The following VPS35L variants were observed in gnomAD, a reference collection of about 807,000 sequenced individuals.
VPS35L encodes VPS35 endosomal protein-sorting factor-like.
A neutral mutation model predicts 133.0 loss-of-function variants in VPS35L; 83 were observed. That is an observed-to-expected ratio of 0.62 (90% confidence interval 0.52 to 0.75). The LOEUF is 0.75. VPS35L is among the 30% of genes least tolerant of loss of function. The probability of loss-of-function intolerance (pLI) is 0.00; values close to 1 mark genes in which losing one functional copy is unlikely to be tolerated. For synonymous variants in VPS35L, 423 were observed against 449.9 expected, an observed-to-expected ratio of 0.94 and a Z score of 0.76; for missense variants, 1,083 against 1,206.8, an observed-to-expected ratio of 0.90 and a Z score of 1.52.
chr16:19,579,373 G>T (rs1971637068), intron 6 of VPS35L: 1 of 449,080 alleles, frequency 2.2e-6, no homozygotes, highest in East Asian at 3.7e-5. Context: ...GCAAGGCTGG[G>T]TCGCCTAGCA....
intron 16 of VPS35L, 47 bp downstream of exon 16, chr16:19,627,852 T>TATC (rs770345708): frequency 7.0e-7 from 1 of 1,430,536 alleles, no homozygotes; most frequent in Non-Finnish European, 9.9e-7. Flanking sequence ...AAGCGGTGTG[T>TATC]ATCTGATAGC....
At chr16:19,663,811 A>C (rs1974573480) in intron 26 of VPS35L, among the ~76,000 whole-genome samples, 1 of 151,638 alleles carries the variant, frequency 6.6e-6, no homozygotes, top group Non-Finnish European at 1.5e-5. Context: ...GTAGCTAGGC[A>C]GCATGAATAA....
intron 14 of VPS35L, among the ~76,000 whole-genome samples, chr16:19,625,702 C>G (rs953351783): frequency 2.6e-5 from 4 of 152,062 alleles, no homozygotes; most frequent in African/African-American, 9.7e-5. Flanking sequence ...GAGACAGGGT[C>G]TCCCTCTGTC....
chr16:19,637,738 C>T lies in VPS35L; in HGVS notation c.1698+82C>T, dbSNP rs896347811. ...TTGTCTCAGTAATGTTTTCATGATG[C>T]CCCAGGCCAAAAGAAATATTCAGCA... On this transcript the variant is annotated intron_variant, in intron 20 of 30. Transcript: ENST00000417362. 6.3e-6 allele frequency: 6 copies of T among 956,156 alleles called. No individual in the cohort carries two copies. In the African/African-American group the frequency reaches 1.0e-4, roughly 16 times the overall value. The allele number at this position is 956,156 out of a possible 1,614,324, so 59.2% of individuals were successfully genotyped here.
chr16:19,689,114 G>A (rs1196689333), intron 28 of VPS35L, among the ~76,000 whole-genome samples: 3 of 150,692 alleles, frequency 2.0e-5, no homozygotes, highest in Non-Finnish European at 4.4e-5. Flanking sequence ...CAGTAGCTGG[G>A]ACTACAGGCG....
At chr16:19,668,218 T>C (rs1449559575) in intron 26 of VPS35L, among the ~76,000 whole-genome samples, 3 of 152,226 alleles carry the variant, frequency 2.0e-5, no homozygotes, top group Non-Finnish European at 2.9e-5. Flanking sequence ...TCACTGGAAG[T>C]CGTTTTGGAG....
At chr16:19,661,332 G>T (rs1974480619) in intron 26 of VPS35L, among the ~76,000 whole-genome samples, 1 of 151,756 alleles carries the variant, frequency 6.6e-6, no homozygotes, top group Non-Finnish European at 1.5e-5. Flanking sequence ...TTTTTGCTCT[G>T]GCAGACAATA....
At chr16:19,640,241 A>G in intron 21 of VPS35L, 141 bp downstream of exon 21, 1 of 703,984 alleles carries the variant, frequency 1.4e-6, no homozygotes, top group Non-Finnish European at 2.3e-6. Flanking sequence ...GGAAAGCCAC[A>G]TTAAAAGCAG....
rs112315887 is a variant in VPS35L at position 19,700,558 on chromosome 16, A to G, written c.*82A>G. 3.2e-3 allele frequency: 3,805 copies of G among 1,174,510 alleles called. 90 individuals carry two copies. The African/African-American group carries it at 0.05, about 15-fold the overall frequency. The allele number at this position is 1,174,510 out of a possible 1,614,324, so 72.8% of individuals were successfully genotyped here. Reference sequence around the variant, plus strand: ...TCTGCTGCCCTGAACTCTTACGGCAATTTAGGTTTCTCATTTTTCTTTTCT... The same window carrying G: ...TCTGCTGCCCTGAACTCTTACGGCAGTTTAGGTTTCTCATTTTTCTTTTCT... On this transcript the variant is annotated 3_prime_UTR_variant, in exon 31 of 31. Transcript: ENST00000417362.
intron 26 of VPS35L, among the ~76,000 whole-genome samples, chr16:19,659,856 A>G (rs1440530583): frequency 6.6e-6 from 1 of 152,190 alleles, no homozygotes; most frequent in African/African-American, 2.4e-5. Context: ...TGATATTGTC[A>G]ATCCAAACCT....
At chr16:19,606,333 A>G (rs933094805) in intron 9 of VPS35L, among the ~76,000 whole-genome samples, 8 of 152,202 alleles carry the variant, frequency 5.3e-5, no homozygotes, top group Admixed American at 6.5e-5. Context: ...CCTCTCCCCA[A>G]AGAGAAGATT....
At chr16:19,628,607 C>G in intron 16 of VPS35L, 30 bp from the exon 17 acceptor site, 1 of 1,230,036 alleles carries the variant, frequency 8.1e-7, no homozygotes, top group Non-Finnish European at 1.2e-6. Flanking sequence ...TTAAAATTTC[C>G]ATAACATGAT....
Position 19,632,523 on chromosome 16 carries a change from T to C in VPS35L, c.1555-569T>C, listed in dbSNP as rs181011149. ...AGTTGCAAAGACTGGATTTTTCCCA[T>C]TGCATCCTTGTGATGGTGTCTGGCG... On this transcript the variant is annotated intron_variant, in intron 18 of 30. Coordinates refer to ENST00000417362, the MANE Select transcript of VPS35L (RefSeq NM_020314.7). 5.0e-4 allele frequency among the ~76,000 whole-genome samples: 76 copies of C among 152,362 alleles called. No individual in the cohort carries two copies. In the East Asian group the frequency reaches 0.013, roughly 27 times the overall value.
rs1052380537 is a variant in VPS35L at position 19,644,911 on chromosome 16, A to G, written c.1891A>G (p.Arg631Gly). ...VNALTLEDEK[R>G]MLSYLINGFI... ...TGCACTCACTCTTGAGGATGAGAAA[A>G]GAATGCTGTCATATTTGATTAATGG... The change falls in exon 23 of 31, where the codon AGA (arginine) becomes GGA (glycine). Residue 631 changes from arginine (R) to glycine (G), a missense_variant. Transcript: ENST00000417362. 1 of 1,602,136 alleles carries G rather than the reference A, an allele frequency of 6.2e-7. No homozygotes were observed. The highest frequency in any genetic ancestry group is 1.3e-5 in the African/African-American group (1 of 74,716).
intron 8 of VPS35L, among the ~76,000 whole-genome samples, chr16:19,598,953 G>C (rs910394868): frequency 6.6e-6 from 1 of 152,202 alleles, no homozygotes; most frequent in African/African-American, 2.4e-5. Context: ...AGTGTGGTTT[G>C]CTGTGTGATG....
intron 25 of VPS35L, 50 bp from the exon 26 acceptor site, chr16:19,651,926 A>T (rs1290416825): frequency 1.5e-6 from 2 of 1,302,004 alleles, no homozygotes; most frequent in Non-Finnish European, 2.2e-6. Context: ...CAGGAGTATG[A>T]TTCTGCCACC....
In VPS35L at chr16:19,601,074, G is replaced by A. The variant is rs183796863; in HGVS notation, c.725-590G>A. Among the ~76,000 whole-genome samples the A allele has an allele frequency of 1.8e-4, 28 of 152,150 alleles. 1 individual carries two copies. Among genetic ancestry groups the A allele is most frequent in the Admixed American group, 1.6e-3 (25 of 15,276 alleles). ...CTCCCAAGTAGCTGAAACTACAGGC[G>A]TGCACTGCCATGCCTGGCTAATTTT... On this transcript the variant is annotated intron_variant, in intron 8 of 30. Transcript: ENST00000417362.
At chr16:19,566,113 C>G (rs1032741330) in intron 2 of VPS35L, among the ~76,000 whole-genome samples, 1 of 152,106 alleles carries the variant, frequency 6.6e-6, no homozygotes, top group Non-Finnish European at 1.5e-5. Flanking sequence ...TCCCAGGACC[C>G]CTTCAATCCC....
chr16:19,591,851 T>C lies in VPS35L; in HGVS notation c.701T>C (p.Ile234Thr). 2 of 1,609,594 alleles carry C rather than the reference T, an allele frequency of 1.2e-6. No homozygotes were observed. The highest frequency in any genetic ancestry group is 1.7e-6 in the Non-Finnish European group (2 of 1,175,990). Residue 234 changes from isoleucine to threonine, a missense_variant, in exon 8 of 31, where the codon ATC becomes ACC. Physicochemically the swap from Ile to Thr is moderately conservative, Grantham distance 89 (BLOSUM62 -1). Coordinates refer to ENST00000417362, the MANE Select transcript of VPS35L (RefSeq NM_020314.7). Reference protein sequence around the residue: ...IQFYPSKFVLITDILDTFGKL... With the variant: ...IQFYPSKFVLTTDILDTFGKL... ...TTCTACCCAAGCAAATTTGTCCTTA[T>C]CACCGACATACTTGATACATTTGGT...
Sources: allele counts gnomAD v4.1 joint callset (sites outside exome capture counted in the v4.1 genomes callset), GRCh38; gene constraint gnomAD v4.1.1; transcripts MANE v1.5; gene names NCBI Gene and HGNC (gene_info 2026-07-23, HGNC 2026-07-21).